Variants in CMAS observed in about 807,000 individuals in gnomAD.
The protein encoded by CMAS is cytidine monophosphate N-acetylneuraminic acid synthetase.
Under a neutral mutation model 53.4 loss-of-function variants are expected in CMAS, and 21 were observed. The observed-to-expected ratio is 0.39, with a 90% CI of 0.28 to 0.57. The LOEUF is 0.57. CMAS is among the 20% of genes least tolerant of loss of function. The probability of loss-of-function intolerance (pLI) is 0.56; values close to 1 mark genes in which losing one functional copy is unlikely to be tolerated. For synonymous variants in CMAS, 189 were observed against 195.2 expected, an observed-to-expected ratio of 0.97 and a Z score of 0.27; for missense variants, 384 against 534.9, an observed-to-expected ratio of 0.72 and a Z score of 2.78.
intron 7 of CMAS, 37 bp downstream of exon 7, chr12:22,062,471 C>T (rs756258200): frequency 9.5e-6 from 15 of 1,578,700 alleles, no homozygotes; most frequent in Non-Finnish European, 1.3e-5. Flanking sequence ...TAAAATGGAC[C>T]AGGAATTAAT....
intron 7 of CMAS, among the ~76,000 whole-genome samples, chr12:22,063,161 C>CATTT (rs1487542019): frequency 1.3e-5 from 2 of 152,126 alleles, no homozygotes; most frequent in Non-Finnish European, 2.9e-5. Context: ...ATGATGTCAA[C>CATTT]ATTTTAAAAT....
intron 3 of CMAS, among the ~76,000 whole-genome samples, chr12:22,057,240 T>TACACACACACACACACACAC (rs71053372): frequency 4.2e-5 from 5 of 118,014 alleles, no homozygotes; most frequent in Non-Finnish European, 8.2e-5. Flanking sequence ...CACACACACA[T>TACACACACACACACACACAC]ACACACACAC....
chr12:22,065,125 T>TG lies in CMAS; in HGVS notation c.1120dup (p.Glu374GlyfsTer4). 1 of 1,600,874 alleles carries TG rather than the reference T, an allele frequency of 6.2e-7. No homozygotes were observed. The highest frequency in any genetic ancestry group is 8.5e-7 in the Non-Finnish European group (1 of 1,170,676). ...AGTATTTATTTTACTTGATAGGAAA[T>TG]GAAGTGTCTGATGAAGAGTGCTTGA... On this transcript the variant is annotated frameshift_variant, in exon 8 of 8. Transcript: ENST00000229329. LOFTEE classifies it high-confidence loss of function.
intron 1 of CMAS, among the ~76,000 whole-genome samples, chr12:22,052,647 G>A (rs1950244242): frequency 6.6e-6 from 1 of 151,992 alleles, no homozygotes; most frequent in Admixed American, 6.6e-5. Context: ...AAATGCACTA[G>A]GTTTTCATTG....
chr12:22,062,277 TAA>T lies in CMAS; in HGVS notation c.961-3_961-2del. On this transcript the variant is annotated splice_acceptor_variant and splice_polypyrimidine_tract_variant and intron_variant, in intron 6 of 7. Transcript: ENST00000229329. LOFTEE classifies it high-confidence loss of function. ...CTCCAATCCTTTTTTTTTTTTTTTT[TAA>T]GGTGAGGCTAATCTCAGAAAGGGCC... The T allele has an allele frequency of 2.0e-6, 3 of 1,492,334 alleles. No individual in the cohort carries two copies. The highest frequency in any genetic ancestry group is 2.7e-6 in the Non-Finnish European group (3 of 1,122,252). 92.4% of individuals were successfully genotyped at this position (1,492,334 alleles called of 1,614,324 possible).
rs148930235 is a variant in CMAS, at chr12:22,062,830, A to G, written c.1114+396A>G. On this transcript the variant is annotated intron_variant, in intron 7 of 7. Coordinates refer to ENST00000229329, the MANE Select transcript of CMAS (RefSeq NM_018686.6). ...CTAGTACATATGAATTACACTCTGA[A>G]TAGTTTTTGCTGCTAATTGAATGTA... 3.0e-3 allele frequency among the ~76,000 whole-genome samples: 459 copies of G among 152,324 alleles called. 7 individuals carry two copies. The highest frequency in any genetic ancestry group is 0.01 in the African/African-American group (422 of 41,596).
chr12:22,054,081 C>A lies in CMAS; in HGVS notation c.261-1068C>A, dbSNP rs1591793055. Among the ~76,000 whole-genome samples, 3 of 151,688 alleles carry A rather than the reference C, an allele frequency of 2.0e-5. No homozygotes were observed. In the East Asian group the frequency reaches 6.0e-4, roughly 30 times the overall value. On this transcript the variant is annotated intron_variant, in intron 1 of 7. Coordinates refer to ENST00000229329, the MANE Select transcript of CMAS (RefSeq NM_018686.6). Reference sequence around the variant, plus strand: ...AGCTGGGATTACAGGTGTGCATCACCATGCCCAGCTAATTTTTGTATGTTT... The same window carrying A: ...AGCTGGGATTACAGGTGTGCATCACAATGCCCAGCTAATTTTTGTATGTTT...
chr12:22,064,523 TG>T (rs1230230662), intron 7 of CMAS, among the ~76,000 whole-genome samples: 1 of 152,042 alleles, frequency 6.6e-6, no homozygotes, highest in African/African-American at 2.4e-5. Flanking sequence ...TTGAGACAGC[TG>T]GGGGTATCTC....
chr12:22,046,693 C>G (rs1950208951), intron 1 of CMAS, 130 bp downstream of exon 1: 1 of 1,148,656 alleles, frequency 8.7e-7, no homozygotes, highest in Non-Finnish European at 1.2e-6. Flanking sequence ...CAGGGATGTG[C>G]AAGATCCGGG....
chr12:22,058,830 C>T (rs1278881391), intron 4 of CMAS, 130 bp downstream of exon 4: 15 of 1,071,304 alleles, frequency 1.4e-5, no homozygotes, highest in Non-Finnish European at 1.9e-5. Flanking sequence ...AGGTAATAGC[C>T]AACAACATTT....
intron 1 of CMAS, among the ~76,000 whole-genome samples, 196 bp downstream of exon 1, chr12:22,046,759 C>G (rs1040980468): frequency 6.6e-5 from 10 of 152,170 alleles, no homozygotes; most frequent in African/African-American, 1.7e-4. Context: ...CTTCCTTGTT[C>G]CGTAGCTGCC....
intron 1 of CMAS, among the ~76,000 whole-genome samples, chr12:22,050,500 G>A (rs1478284893): frequency 2.0e-5 from 3 of 152,130 alleles, no homozygotes; most frequent in East Asian, 3.9e-4. Flanking sequence ...CTTGTAAAAC[G>A]GGAAAGTTGT....
At chr12:22,058,814 G>A (rs936657995) in intron 4 of CMAS, 114 bp downstream of exon 4, 3 of 1,272,764 alleles carry the variant, frequency 2.4e-6, no homozygotes, top group Non-Finnish European at 3.2e-6. Flanking sequence ...TCAACCTATA[G>A]AGGAAAGGTA....
intron 7 of CMAS, among the ~76,000 whole-genome samples, chr12:22,064,784 T>TATG (rs2138192043): frequency 6.6e-6 from 1 of 152,308 alleles, no homozygotes; most frequent in African/African-American, 2.4e-5. Flanking sequence ...GGTTCTCGCA[T>TATG]ATGTTTGAAA....
At position 22,065,298 on chromosome 12, in the gene CMAS, C is replaced by A; in HGVS notation, c.1292C>A (p.Ser431Ter). Residue 431 changes from serine (S) to a stop codon, truncating the protein, a stop_gained, in exon 8 of 8, where the codon TCA (serine) becomes TAA (stop). Transcript: ENST00000229329. LOFTEE classifies it high-confidence loss of function. ...CTACTAATGGAAAAGGTTAATAATTCATGCCAAAAATAGAAATTAGCGTAA... is the reference window on the plus strand; with the variant it reads ...CTACTAATGGAAAAGGTTAATAATTAATGCCAAAAATAGAAATTAGCGTAA... Reference protein sequence around the residue: ...ICLLMEKVNNSCQK With the variant: ...ICLLMEKVNN The A allele has an allele frequency of 6.2e-7, 1 of 1,607,206 alleles. No individual in the cohort carries two copies. The highest frequency in any genetic ancestry group is 8.5e-7 in the Non-Finnish European group (1 of 1,174,832).
intron 7 of CMAS, 40 bp downstream of exon 7, chr12:22,062,474 G>GAATT: frequency 1.3e-6 from 2 of 1,579,286 alleles, no homozygotes; most frequent in South Asian, 1.1e-5. Context: ...AATGGACCAG[G>GAATT]AATTAATTAT....
chr12:22,056,976 T>C (rs1183436496), intron 3 of CMAS, among the ~76,000 whole-genome samples: 2 of 152,136 alleles, frequency 1.3e-5, no homozygotes, highest in Non-Finnish European at 2.9e-5. Context: ...TACCCCTAGA[T>C]TGTATACTTT....
chr12:22,053,850 A>G (rs914846009), intron 1 of CMAS, among the ~76,000 whole-genome samples: 4 of 144,140 alleles, frequency 2.8e-5, no homozygotes, highest in South Asian at 2.2e-4. Context: ...CTGCACTCCA[A>G]CCTGGGAGAC....
chr12:22,063,675 A>G (rs565720853), intron 7 of CMAS: 1 of 152,046 alleles, frequency 6.6e-6, no homozygotes, highest in South Asian at 2.1e-4. Flanking sequence ...TTTTGCTTCT[A>G]TTTTTTAAAA....
Sources: allele counts gnomAD v4.1 joint callset (sites outside exome capture counted in the v4.1 genomes callset), GRCh38; gene constraint gnomAD v4.1.1; transcripts MANE v1.5; gene names NCBI Gene and HGNC (gene_info 2026-07-23, HGNC 2026-07-21).